Variants in BTD observed in about 807,000 individuals in gnomAD.
BTD encodes biocytinase.
A neutral mutation model predicts 17.7 loss-of-function variants in BTD; 13 were observed. That is an observed-to-expected ratio of 0.74 (90% CI 0.48 to 1.17). The LOEUF (loss-of-function observed/expected upper bound fraction) is 1.17, where lower values mean the gene tolerates loss of function less well. Ranked by LOEUF, BTD falls within the 50% of genes most tolerant of loss-of-function variation. The pLI, the probability that BTD is intolerant of heterozygous loss-of-function variation, is 0.00. For missense variants in BTD, 674 were observed against 650.4 expected (o/e 1.04, Z -0.39); for synonymous variants, 240 against 245.2 (o/e 0.98, Z 0.20).
intron 3 of BTD, among the ~76,000 whole-genome samples, chr3:15,674,669 T>A (rs1001747544): frequency 6.6e-6 from 1 of 152,022 alleles, no homozygotes; most frequent in Non-Finnish European, 1.5e-5. Flanking sequence ...GGAGTCAATG[T>A]AGATAGAGAA....
At chr3:15,694,623 G>A in intron 3 of BTD, 1 of 641,800 alleles carries the variant, frequency 1.6e-6, no homozygotes, top group Non-Finnish European at 2.5e-6. Flanking sequence ...TTAATTCCAT[G>A]ATAACTATTA....
At chr3:15,616,763 T>G (rs2064803732) in intron 1 of BTD, among the ~76,000 whole-genome samples, 1 of 152,222 alleles carries the variant, frequency 6.6e-6, no homozygotes, top group Non-Finnish European at 1.5e-5. Flanking sequence ...GCTGAACATC[T>G]TTTCATAAGT....
chr3:15,619,987 T>C (rs2064902777), intron 1 of BTD, among the ~76,000 whole-genome samples: 1 of 151,978 alleles, frequency 6.6e-6, no homozygotes, highest in Non-Finnish European at 1.5e-5. Context: ...GAACCACTGA[T>C]AAGGGTCTAA....
At chr3:15,659,712 C>T (rs2065904134) in intron 3 of BTD, among the ~76,000 whole-genome samples, 2 of 152,204 alleles carry the variant, frequency 1.3e-5, no homozygotes, top group South Asian at 2.1e-4. Context: ...GTCAGAGCAG[C>T]AAATCCCTCT....
chr3:15,720,982 G>A, intron 4 of BTD: 1 of 1,613,872 alleles, frequency 6.2e-7, no homozygotes. Context: ...TGTTGATGCA[G>A]CAGCAAAGTG....
chr3:15,683,076 G>A (rs2067707363), intron 3 of BTD, among the ~76,000 whole-genome samples: 1 of 152,158 alleles, frequency 6.6e-6, no homozygotes, highest in Non-Finnish European at 1.5e-5. Flanking sequence ...AACAAACACT[G>A]TAATAGAAAG....
intron 1 of BTD, among the ~76,000 whole-genome samples, chr3:15,632,105 C>T (rs977802936): frequency 2.6e-5 from 4 of 152,284 alleles, no homozygotes; most frequent in East Asian, 1.9e-4. Context: ...CGCAGACCCA[C>T]GTGATTTCCT....
chr3:15,711,111 T>C (rs919192452), exon 4 of BTD: 3 of 1,041,872 alleles, frequency 2.9e-6, no homozygotes, highest in Non-Finnish European at 4.1e-6. Flanking sequence ...TGTTTTCTAT[T>C]TTCTGGCAGC....
At chr3:15,684,509 T>C (rs532033572) in intron 3 of BTD, 1 of 152,324 alleles carries the variant, frequency 6.6e-6, no homozygotes, top group East Asian at 1.9e-4. Context: ...AAAACATACA[T>C]AGATTTCAGT....
chr3:15,653,570 G>A lies in BTD; in HGVS notation c.*8082G>A, dbSNP rs561233622. Among the ~76,000 whole-genome samples the A allele has an allele frequency of 6.6e-6, 1 of 152,134 alleles. No individual in the cohort carries two copies. The highest frequency in any genetic ancestry group is 2.1e-4 in the South Asian group (1 of 4,826). ...TTCATCATCCAAATATATTATTTTT[G>A]TTTTGTTTGACTAAAGGCAATTATA... On this transcript the variant is annotated 3_prime_UTR_variant, in exon 4 of 4. Coordinates refer to ENST00000643237, the MANE Select transcript of BTD (RefSeq NM_001370658.1).
At chr3:15,688,914 C>T (rs111373764) in intron 3 of BTD, among the ~76,000 whole-genome samples, 2,922 of 152,288 alleles carry the variant, frequency 0.019, 99 homozygotes, top group African/African-American at 0.066. Context: ...TAAGTCAAAA[C>T]GTGTATCACT....
chr3:15,670,380 T>A, intron 3 of BTD: 7 of 1,613,924 alleles, frequency 4.3e-6, no homozygotes, highest in Non-Finnish European at 5.9e-6. Context: ...TCATTCCTCA[T>A]GATGGGCAAA....
intron 1 of BTD, chr3:15,606,296 T>G (rs2064452628): frequency 6.6e-6 from 1 of 152,218 alleles, no homozygotes; most frequent in African/African-American, 2.4e-5. Context: ...GGCACCTGTA[T>G]TTTTTAAAAG....
At chr3:15,691,650 A>G (rs2068819955) in intron 3 of BTD, among the ~76,000 whole-genome samples, 1 of 152,204 alleles carries the variant, frequency 6.6e-6, no homozygotes, top group South Asian at 2.1e-4. Context: ...CTTTATAATG[A>G]ATCTGTGTAG....
chr3:15,709,067 C>T (rs2071864999), intron 3 of BTD, among the ~76,000 whole-genome samples: 1 of 152,160 alleles, frequency 6.6e-6, no homozygotes, highest in African/African-American at 2.4e-5. Flanking sequence ...GTTTTAAATA[C>T]TGCTACCACA....
chr3:15,715,522 C>T (rs567650437), downstream of BTD, among the ~76,000 whole-genome samples: 1 of 152,286 alleles, frequency 6.6e-6, no homozygotes, highest in South Asian at 2.1e-4. Flanking sequence ...AACAAGCCAT[C>T]CAATTGACAA....
intron 3 of BTD, among the ~76,000 whole-genome samples, chr3:15,672,500 C>A (rs536539325): frequency 2.0e-5 from 3 of 152,274 alleles, no homozygotes; most frequent in Non-Finnish European, 2.9e-5. Context: ...TCAAAGAGAA[C>A]AACTGATGTC....
chr3:15,698,139 T>G (rs1292120768), intron 3 of BTD, among the ~76,000 whole-genome samples: 2 of 152,020 alleles, frequency 1.3e-5, no homozygotes, highest in East Asian at 1.9e-4. Flanking sequence ...GCTAGCGGTC[T>G]GTCTGATTAT....
At chr3:15,614,696 A>G (rs1202715569) in intron 1 of BTD, among the ~76,000 whole-genome samples, 1 of 150,782 alleles carries the variant, frequency 6.6e-6, no homozygotes, top group Non-Finnish European at 1.5e-5. Flanking sequence ...CTCTGAGCTC[A>G]AGCAATCGCC....
Sources: allele counts gnomAD v4.1 joint callset (sites outside exome capture counted in the v4.1 genomes callset), GRCh38; gene constraint gnomAD v4.1.1; transcripts MANE v1.5; gene names NCBI Gene and HGNC (gene_info 2026-07-23, HGNC 2026-07-21).